The following SLC16A2 variants were observed in gnomAD, a reference collection of about 807,000 sequenced individuals.
SLC16A2 encodes solute carrier family 16 member 2, also known as monocarboxylate transporter 8.
A neutral mutation model predicts 27.2 loss-of-function variants in SLC16A2; 3 were observed. The observed-to-expected ratio is 0.11, with a 90% CI of 0.05 to 0.28. SLC16A2 has a LOEUF of 0.28. SLC16A2 is among the 10% of genes least tolerant of loss of function. SLC16A2 has a pLI of 1.00. For missense variants in SLC16A2, 295 were observed against 458.5 expected (o/e 0.64, Z 3.26); for synonymous variants, 202 against 187.8 (o/e 1.08, Z -0.62).
Position 74,421,800 on chromosome X carries a change from C to A in SLC16A2, c.163C>A (p.Pro55Thr), listed in dbSNP as rs780311825. ...GCCCCCGCCCGAGCCCCAGCCGGAG[C>A]CCCAGCCCCTACCGGACCCCGCACC... is the stretch of plus-strand genomic sequence containing the variant. ...PVPPPEPQPE[P>T]QPLPDPAPLP... Residue 55 changes from proline to threonine, a missense_variant, in exon 1 of 6, where the codon CCC (proline) becomes ACC (threonine). By Grantham distance (38) the Pro-to-Thr change is conservative. This residue lies in a region of SLC16A2 where 92 missense variants were observed against 85.1 expected (regional missense o/e 1.08). Coordinates refer to ENST00000587091, the MANE Select transcript of SLC16A2 (RefSeq NM_006517.5). 5 of 1,157,500 alleles carry A rather than the reference C, an allele frequency of 4.3e-6. No homozygotes were observed. Among genetic ancestry groups the A allele is most frequent in the Non-Finnish European group, 5.8e-6 (5 of 863,073 alleles).
At chrX:74,491,829 T>A (rs966353226) in intron 1 of SLC16A2, among the ~76,000 whole-genome samples, 4 of 112,697 alleles carry the variant, frequency 3.5e-5, no homozygotes, top group Non-Finnish European at 7.5e-5. Flanking sequence ...ATAATTGATA[T>A]TTAAATGAAT....
chrX:74,473,689 T>C lies in SLC16A2; in HGVS notation c.431-47301T>C. 3 of 1,065,197 alleles carry C rather than the reference T, an allele frequency of 2.8e-6. No homozygotes were observed. The South Asian group carries it at 5.6e-5, about 20-fold the overall frequency. 87.8% of individuals were successfully genotyped at this position (1,065,197 alleles called of 1,213,427 possible). ...AATCTTCTCTTGAGACAGCTCTCTT[T>C]GGTTCCACAACTCTTCCATCCACCT... On this transcript the variant is annotated intron_variant, in intron 1 of 5. Coordinates refer to ENST00000587091, the MANE Select transcript of SLC16A2 (RefSeq NM_006517.5).
intron 1 of SLC16A2, among the ~76,000 whole-genome samples, chrX:74,450,211 C>T (rs1399381379): frequency 1.8e-5 from 2 of 112,632 alleles, no homozygotes; most frequent in African/African-American, 6.4e-5. Flanking sequence ...TTATATGCCC[C>T]AGGGCCTAGC....
chrX:74,453,527 ATATT>A (rs1928983756), intron 1 of SLC16A2, among the ~76,000 whole-genome samples: 1 of 111,503 alleles, frequency 9.0e-6, no homozygotes, highest in Admixed American at 9.6e-5. Flanking sequence ...TCAGAAGGTC[ATATT>A]TATTTTTTTT....
chrX:74,503,079 C>T (rs749207306), intron 1 of SLC16A2, among the ~76,000 whole-genome samples: 1 of 109,587 alleles, frequency 9.1e-6, no homozygotes, highest in East Asian at 2.9e-4. Context: ...TACTCCTGTT[C>T]TCTCCCCACC....
At chrX:74,457,759 A>G (rs1226611502) in intron 1 of SLC16A2, among the ~76,000 whole-genome samples, 2 of 110,268 alleles carry the variant, frequency 1.8e-5, no homozygotes, top group Non-Finnish European at 1.9e-5. Flanking sequence ...GCCAGCCTCC[A>G]TTCCATCTAC....
chrX:74,486,387 T>G (rs1929721334), intron 1 of SLC16A2, among the ~76,000 whole-genome samples: 1 of 112,383 alleles, frequency 8.9e-6, no homozygotes, highest in Non-Finnish European at 1.9e-5. Context: ...AAGACTTGTT[T>G]TATCAGCTGT....
chrX:74,441,063 A>AT (rs60503852), intron 1 of SLC16A2, among the ~76,000 whole-genome samples: 37,457 of 97,525 alleles, frequency 0.38, 6,477 homozygotes, highest in East Asian at 0.94. Context: ...CGCCTCCTGG[A>AT]TTTTTTTTTT....
At chrX:74,481,455 T>A (rs1929618653) in intron 1 of SLC16A2, among the ~76,000 whole-genome samples, 1 of 111,649 alleles carries the variant, frequency 9.0e-6, no homozygotes, top group African/African-American at 3.3e-5. Flanking sequence ...TTTATAGAAA[T>A]TTTTCCCTTT....
intron 1 of SLC16A2, among the ~76,000 whole-genome samples, chrX:74,495,704 G>C (rs5937828): frequency 0.52 from 56,330 of 108,463 alleles, 13,354 homozygotes; most frequent in Non-Finnish European, 0.73. Flanking sequence ...AGGAAAAGGA[G>C]ACCCATACAT....
chrX:74,472,353 C>T (rs1391989988), intron 1 of SLC16A2, among the ~76,000 whole-genome samples: 1 of 111,327 alleles, frequency 9.0e-6, no homozygotes, highest in African/African-American at 3.3e-5. Context: ...GTATGTACTT[C>T]ATTTTGAGCT....
chrX:74,487,170 C>T (rs750984130), intron 1 of SLC16A2, among the ~76,000 whole-genome samples: 1 of 110,675 alleles, frequency 9.0e-6, no homozygotes, highest in Non-Finnish European at 1.9e-5. Flanking sequence ...GAGTTGCATT[C>T]GTGAGACCCA....
At chrX:74,526,801 G>C (rs1316955276) in intron 4 of SLC16A2, among the ~76,000 whole-genome samples, 3 of 112,941 alleles carry the variant, frequency 2.7e-5, no homozygotes, top group Non-Finnish European at 5.6e-5. Flanking sequence ...ATAATCTTGT[G>C]ATTGAGATAA....
intron 1 of SLC16A2, among the ~76,000 whole-genome samples, chrX:74,491,996 GTCCCTATGTAAGCA>G (rs2147859768): frequency 8.9e-6 from 1 of 112,562 alleles, no homozygotes; most frequent in East Asian, 2.8e-4. Context: ...GGGACAGGAT[GTCCCTATGTAAGCA>G]GGACAGTGGG....
chrX:74,463,436 A>T (rs1192234843), intron 1 of SLC16A2, among the ~76,000 whole-genome samples: 2 of 112,295 alleles, frequency 1.8e-5, no homozygotes, highest in African/African-American at 6.5e-5. Flanking sequence ...ACTATGATTA[A>T]TATTTTTTGC....
intron 1 of SLC16A2, among the ~76,000 whole-genome samples, chrX:74,515,699 G>A (rs751208216): frequency 9.0e-5 from 10 of 111,266 alleles, no homozygotes; most frequent in Non-Finnish European, 1.5e-4. Flanking sequence ...GAAATGACAC[G>A]TTAACTCTAG....
chrX:74,441,995 G>A (rs1167020046), intron 1 of SLC16A2, among the ~76,000 whole-genome samples: 1 of 109,887 alleles, frequency 9.1e-6, no homozygotes, highest in African/African-American at 3.3e-5. Flanking sequence ...TTGGGAGGCC[G>A]AGGCGGGTGG....
intron 1 of SLC16A2, among the ~76,000 whole-genome samples, chrX:74,507,407 C>G (rs1157068247): frequency 1.5e-4 from 17 of 111,980 alleles, no homozygotes; most frequent in African/African-American, 5.5e-4. Flanking sequence ...AAAGGGAACA[C>G]TTATACACTG....
In SLC16A2 at chrX:74,531,489, C is replaced by T. The variant is rs1930568657; in HGVS notation, c.1556C>T (p.Ala519Val). The stretch of plus-strand genomic sequence containing the variant: ...GATTCCAGCAAGGATAAGATGTTGG[C>T]CCCTGACCCAGACCCCAATGGGGAG... ...QRDSSKDKML[A>V]PDPDPNGELL... Residue 519 changes from alanine to valine, a missense_variant, in exon 6 of 6, where the codon GCC becomes GTC. By Grantham distance (64) the Ala-to-Val change is moderately conservative. This residue lies in a region of SLC16A2 where 144 missense variants were observed against 219.8 expected (regional missense o/e 0.66). Coordinates refer to ENST00000587091, the MANE Select transcript of SLC16A2 (RefSeq NM_006517.5). 1 of 1,211,289 alleles carries T rather than the reference C, an allele frequency of 8.3e-7. No homozygotes were observed. The highest frequency in any genetic ancestry group is 1.1e-6 in the Non-Finnish European group (1 of 895,286).
Sources: gnomAD v4.1 joint callset for allele counts (sites outside exome capture counted in the v4.1 genomes callset) on GRCh38, gnomAD v4.1.1 for gene constraint, gnomAD v4.1.1 regional missense constraint, MANE v1.5 for transcripts, NCBI Gene and HGNC (gene_info 2026-07-23, HGNC 2026-07-21) for gene names.